Variants in PARVA observed in about 807,000 individuals in gnomAD.
The protein encoded by PARVA is alpha-parvin.
In PARVA, 25 loss-of-function variants were observed where a neutral mutation model predicts 52.6. The observed-to-expected ratio is 0.48, with a 90% CI of 0.35 to 0.66. The LOEUF (loss-of-function observed/expected upper bound fraction) is 0.66. Ranked by LOEUF, PARVA falls within the 30% of genes least tolerant of loss-of-function variation. The probability of loss-of-function intolerance (pLI) is 0.01; values close to 1 mark genes in which losing one functional copy is unlikely to be tolerated. For missense variants in PARVA, 373 were observed against 450.9 expected, an observed-to-expected ratio of 0.83 and a Z score of 1.56; for synonymous variants, 185 against 179.1, an observed-to-expected ratio of 1.03 and a Z score of -0.26.
Position 12,414,711 on chromosome 11 carries a change from A to G in PARVA, c.136+36928A>G, listed in dbSNP as rs1332228710. 5.3e-5 allele frequency among the ~76,000 whole-genome samples: 8 copies of G among 151,154 alleles called. 1 individual carries two copies. Among genetic ancestry groups the G allele is most frequent in the Admixed American group, 5.3e-4 (8 of 15,174 alleles). On this transcript the variant is annotated intron_variant, in intron 1 of 12. Transcript: ENST00000334956. ...TCAAACGAGTCCTTATAAACATTTG[A>G]TCTTGTTTTCATATGAAGTGAAAAG...
At chr11:12,377,494 G>A (rs1939409567), upstream of PARVA, 2 of 1,413,458 alleles carry the variant, frequency 1.4e-6, no homozygotes, top group Admixed American at 3.0e-5. Context: ...GGGAGGGAGC[G>A]AGGGAAGGGA....
At position 12,514,011 on chromosome 11, in the gene PARVA, C is replaced by T. The variant is rs369286112; in HGVS notation, c.813C>T (p.Phe271=). Residue 271 remains phenylalanine, a synonymous_variant, in exon 10 of 13, where the codon TTC becomes TTT. Transcript: ENST00000334956. The part of the protein sequence containing the change: ...LNVVKKTLIT[F]VNKHLNKLNL... Reference sequence around the variant, plus strand: ...TTCTCTTTTAGACACTCATCACTTTCGTGAACAAGCACCTGAATAAACTGA... The same window carrying T: ...TTCTCTTTTAGACACTCATCACTTTTGTGAACAAGCACCTGAATAAACTGA... 761 of 1,613,990 alleles carry T rather than the reference C, an allele frequency of 4.7e-4. 3 individuals are homozygous for T. In the African/African-American group the frequency reaches 7.4e-3, roughly 16 times the overall value.
intron 1 of PARVA, among the ~76,000 whole-genome samples, chr11:12,437,959 A>G (rs961008539): frequency 6.6e-6 from 1 of 152,134 alleles, no homozygotes; most frequent in Non-Finnish European, 1.5e-5. Context: ...TTCTGGTTCT[A>G]TAAAAGAATA....
rs1161390871 is a variant in PARVA at position 12,416,651 on chromosome 11, G to GA, written c.136+38871dup. ...GGAAAGAAGGAAGGAAATCAGGGGA[G>GA]AAAGAGAAAGAAGCGAGTGGAGAGA... On this transcript the variant is annotated intron_variant, in intron 1 of 12. Coordinates refer to ENST00000334956, the MANE Select transcript of PARVA (RefSeq NM_018222.5). 2.0e-5 allele frequency among the ~76,000 whole-genome samples: 3 copies of GA among 152,142 alleles called. No individual in the cohort carries two copies. The East Asian group carries it at 5.8e-4, about 29-fold the overall frequency.
At chr11:12,383,476 C>T (rs1939523333) in intron 1 of PARVA, among the ~76,000 whole-genome samples, 1 of 152,176 alleles carries the variant, frequency 6.6e-6, no homozygotes, top group African/African-American at 2.4e-5. Context: ...CCAATGAAGG[C>T]TTTAATTTCA....
intron 11 of PARVA, 29 bp downstream of exon 11, chr11:12,517,740 C>A: frequency 6.8e-7 from 1 of 1,470,652 alleles, no homozygotes; most frequent in Non-Finnish European, 9.4e-7. Flanking sequence ...AAGGGAGGCC[C>A]CCTAGCCCAC....
At chr11:12,403,368 G>T (rs1313208884) in intron 1 of PARVA, among the ~76,000 whole-genome samples, 1 of 152,224 alleles carries the variant, frequency 6.6e-6, no homozygotes, top group African/African-American at 2.4e-5. Flanking sequence ...AGCAGGTGAT[G>T]GAAGCCTACA....
At chr11:12,486,608 G>A (rs537794384) in intron 4 of PARVA, among the ~76,000 whole-genome samples, 11 of 152,308 alleles carry the variant, frequency 7.2e-5, no homozygotes, top group Admixed American at 4.6e-4. Context: ...CACTTTAGGA[G>A]GCCGAGGCAG....
intron 4 of PARVA, among the ~76,000 whole-genome samples, chr11:12,487,836 C>T (rs980361140): frequency 1.3e-5 from 2 of 151,990 alleles, no homozygotes; most frequent in African/African-American, 2.4e-5. Context: ...GGGACACATA[C>T]AATGTTTGTA....
At chr11:12,518,367 G>T (rs1405389421) in intron 11 of PARVA, 78 bp from the exon 12 acceptor site, 5 of 1,037,904 alleles carry the variant, frequency 4.8e-6, no homozygotes, top group Non-Finnish European at 7.5e-6. Flanking sequence ...ACAGTGCTGG[G>T]CTCCTTCACT....
chr11:12,392,551 G>A (rs1361987335), intron 1 of PARVA, among the ~76,000 whole-genome samples: 1 of 152,160 alleles, frequency 6.6e-6, no homozygotes, highest in Non-Finnish European at 1.5e-5. Flanking sequence ...TTACAGGCAT[G>A]AGCCACCATA....
chr11:12,451,533 G>C (rs1357887518), intron 1 of PARVA, among the ~76,000 whole-genome samples: 1 of 151,622 alleles, frequency 6.6e-6, no homozygotes, highest in Non-Finnish European at 1.5e-5. Context: ...GGTAACTCTA[G>C]ACTTTTATAT....
At chr11:12,449,514 AC>A (rs1036215172) in intron 1 of PARVA, among the ~76,000 whole-genome samples, 3 of 152,020 alleles carry the variant, frequency 2.0e-5, no homozygotes, top group African/African-American at 7.3e-5. Context: ...CTTCTAAGGA[AC>A]CTTCCCTGTT....
rs926892954 is a variant in PARVA, at chr11:12,532,755, A to G, written c.*4830A>G. On this transcript the variant is annotated 3_prime_UTR_variant, in exon 13 of 13. Coordinates refer to ENST00000334956, the MANE Select transcript of PARVA (RefSeq NM_018222.5). Reference sequence around the variant, plus strand: ...TGAGAAGCCTGCCACTCCAGGGCGCACCACGGAGGAGGATCCCCAGACAAG... The same window carrying G: ...TGAGAAGCCTGCCACTCCAGGGCGCGCCACGGAGGAGGATCCCCAGACAAG... Among the ~76,000 whole-genome samples, 1 of 152,186 alleles carries G rather than the reference A, an allele frequency of 6.6e-6. No individual in the cohort carries two copies. The highest frequency in any genetic ancestry group is 1.5e-5 in the Non-Finnish European group (1 of 68,036).
rs539526324 is a variant in PARVA, at chr11:12,527,832, T to A, written c.1043-17T>A. The A allele has an allele frequency of 3.7e-6, 6 of 1,604,356 alleles. No individual in the cohort carries two copies. The highest frequency in any genetic ancestry group is 1.3e-5 in the African/African-American group (1 of 74,882). ...TGGCCCCATGGAAACAATTGGTGTT[T>A]TTTGTTTTCTACGCAGACATAGTCA... On this transcript the variant is annotated splice_polypyrimidine_tract_variant and intron_variant, in intron 12 of 12. Coordinates refer to ENST00000334956, the MANE Select transcript of PARVA (RefSeq NM_018222.5).
intron 4 of PARVA, among the ~76,000 whole-genome samples, chr11:12,492,421 A>G (rs1214076518): frequency 3.9e-5 from 6 of 152,202 alleles, no homozygotes; most frequent in African/African-American, 1.4e-4. Flanking sequence ...TTCCTGGAAG[A>G]ATAAAACTTC....
In PARVA at chr11:12,517,521, G is replaced by A. The variant is rs1941584524; in HGVS notation, c.868-89G>A. The A allele has an allele frequency of 3.1e-6, 3 of 958,788 alleles. No homozygotes were observed. The Admixed American group carries it at 6.0e-5, about 19-fold the overall frequency. The allele number at this position is 958,788 out of a possible 1,614,324, so 59.4% of individuals were successfully genotyped here. ...GCCTGGCTGGGGTGGTAGGCTTCAG[G>A]TGGCATAGCACAGAAGTTGATGGGC... On this transcript the variant is annotated intron_variant, in intron 10 of 12. Coordinates refer to ENST00000334956, the MANE Select transcript of PARVA (RefSeq NM_018222.5).
chr11:12,390,726 G>A (rs1459324201), intron 1 of PARVA, among the ~76,000 whole-genome samples: 5 of 152,120 alleles, frequency 3.3e-5, no homozygotes, highest in African/African-American at 1.2e-4. Context: ...TGTTGGGAGG[G>A]GTTTTCCTAT....
chr11:12,378,841 G>T (rs548537131), intron 1 of PARVA, among the ~76,000 whole-genome samples: 6 of 152,258 alleles, frequency 3.9e-5, no homozygotes, highest in African/African-American at 1.4e-4. Flanking sequence ...GCACAGGAAA[G>T]GGGTCCCAGT....
Sources: allele counts gnomAD v4.1 joint callset (sites outside exome capture counted in the v4.1 genomes callset), GRCh38; gene constraint gnomAD v4.1.1; transcripts MANE v1.5; gene names NCBI Gene and HGNC (gene_info 2026-07-23, HGNC 2026-07-21).